The following MEIS1 variants were observed in gnomAD, a reference collection of about 807,000 sequenced individuals.
MEIS1 encodes the protein homeobox protein Meis1.
MEIS1 carries 5 observed loss-of-function variants against 50.8 expected under a neutral mutation model. The observed-to-expected ratio is 0.10, with a 90% CI of 0.05 to 0.21. MEIS1 has a LOEUF of 0.21. Among genes scored for constraint, MEIS1 ranks in the 10% least tolerant of loss-of-function variants. The pLI is 1.00. For synonymous variants in MEIS1, 176 were observed against 179.3 expected (o/e 0.98, Z 0.15); for missense variants, 318 against 517.3 (o/e 0.61, Z 3.74).
intron 6 of MEIS1, among the ~76,000 whole-genome samples, chr2:66,457,554 T>A (rs1005660738): frequency 6.6e-6 from 1 of 152,178 alleles, no homozygotes; most frequent in Non-Finnish European, 1.5e-5. Context: ...TCTGATCCCT[T>A]TCCTCAGATG....
At chr2:66,517,414 AT>A (rs139918864) in intron 8 of MEIS1, among the ~76,000 whole-genome samples, 2,206 of 151,734 alleles carry the variant, frequency 0.015, 60 homozygotes, top group African/African-American at 0.051. Flanking sequence ...GTGCGAGAAG[AT>A]TTTTTTTTCC....
intron 9 of MEIS1, among the ~76,000 whole-genome samples, chr2:66,556,770 A>T (rs926951433): frequency 2.6e-5 from 4 of 151,958 alleles, no homozygotes; most frequent in Non-Finnish European, 5.9e-5. Flanking sequence ...GGGTAGGGGG[A>T]TGTTTTAAAA....
chr2:66,460,519 C>T (rs1222630021), intron 6 of MEIS1, among the ~76,000 whole-genome samples: 1 of 152,086 alleles, frequency 6.6e-6, no homozygotes, highest in Admixed American at 6.6e-5. Context: ...TCTTGGGGCC[C>T]TAGAACTAGA....
intron 8 of MEIS1, among the ~76,000 whole-genome samples, chr2:66,543,420 A>G (rs190739364): frequency 6.0e-4 from 91 of 152,284 alleles, no homozygotes; most frequent in African/African-American, 2.1e-3. Context: ...AATAAGGATG[A>G]TCATTTCATG....
At position 66,441,854 on chromosome 2, in the gene MEIS1, C is replaced by T. The variant is rs1029164022; in HGVS notation, c.483+390C>T. On this transcript the variant is annotated intron_variant, in intron 5 of 12. Coordinates refer to ENST00000272369, the MANE Select transcript of MEIS1 (RefSeq NM_002398.3). Reference sequence around the variant, plus strand: ...CTCTGAGGGAGAAAAAAGTTTTATTCAGTTGTAGTGAGTTTCTGGAAGACA... The same window carrying T: ...CTCTGAGGGAGAAAAAAGTTTTATTTAGTTGTAGTGAGTTTCTGGAAGACA... 4.6e-5 allele frequency: 9 copies of T among 195,518 alleles called. No homozygotes were observed. The South Asian group carries it at 4.9e-4, about 11-fold the overall frequency. The allele number at this position is 195,518 out of a possible 1,614,324, so 12.1% of individuals were successfully genotyped here.
chr2:66,567,609 T>C (rs1675381851), intron 10 of MEIS1, 98 bp downstream of exon 10: 1 of 1,091,990 alleles, frequency 9.2e-7, no homozygotes, highest in Admixed American at 1.9e-5. Context: ...AAACTGGGAG[T>C]GAGTATAGGA....
At chr2:66,496,751 A>G (rs890268775) in intron 7 of MEIS1, among the ~76,000 whole-genome samples, 7 of 151,814 alleles carry the variant, frequency 4.6e-5, no homozygotes, top group Non-Finnish European at 1.5e-5. Flanking sequence ...CAACCCTTAC[A>G]TGAGGTTTTT....
At chr2:66,561,475 G>A (rs1031623552) in intron 9 of MEIS1, among the ~76,000 whole-genome samples, 1 of 152,092 alleles carries the variant, frequency 6.6e-6, no homozygotes, top group Non-Finnish European at 1.5e-5. Context: ...ATTATCATCT[G>A]TGCATGTTTA....
At chr2:66,533,929 A>G (rs954531074) in intron 8 of MEIS1, among the ~76,000 whole-genome samples, 5 of 152,250 alleles carry the variant, frequency 3.3e-5, no homozygotes, top group Admixed American at 1.3e-4. Flanking sequence ...AGAATTATCT[A>G]GTCATATCTT....
intron 7 of MEIS1, among the ~76,000 whole-genome samples, chr2:66,496,915 T>C (rs973514004): frequency 1.1e-4 from 16 of 152,214 alleles, no homozygotes; most frequent in African/African-American, 3.4e-4. Context: ...TGTAAATACT[T>C]GGTATTTGTT....
chr2:66,440,730 G>C, intron 4 of MEIS1, 118 bp downstream of exon 4: 1 of 672,180 alleles, frequency 1.5e-6, no homozygotes, highest in South Asian at 1.9e-5. Context: ...CGTGCCTGCA[G>C]GTTGGCTGCA....
chr2:66,450,200 T>A (rs1672245831), intron 6 of MEIS1, among the ~76,000 whole-genome samples: 1 of 152,188 alleles, frequency 6.6e-6, no homozygotes, highest in Admixed American at 6.5e-5. Flanking sequence ...TATTTGTAAT[T>A]CTCAAAAATA....
chr2:66,499,690 A>C (rs1033961669), intron 7 of MEIS1, among the ~76,000 whole-genome samples: 9 of 124,714 alleles, frequency 7.2e-5, no homozygotes, highest in Admixed American at 3.4e-4. Context: ...GTGAGGGTAC[A>C]TAGGTTAAAA....
At chr2:66,568,513 T>TTG in intron 10 of MEIS1, 154 bp from the exon 11 acceptor site, 4 of 463,362 alleles carry the variant, frequency 8.6e-6, no homozygotes, top group East Asian at 3.6e-5. Flanking sequence ...GTAGATCTAG[T>TTG]CTGAGAGAAA....
intron 8 of MEIS1, among the ~76,000 whole-genome samples, chr2:66,517,287 T>C (rs1383710975): frequency 6.6e-6 from 1 of 152,196 alleles, no homozygotes; most frequent in African/African-American, 2.4e-5. Flanking sequence ...TTAATTGTCA[T>C]GTGCCTGAGA....
chr2:66,437,030 T>A, intron 1 of MEIS1: 1 of 865,786 alleles, frequency 1.2e-6, no homozygotes, highest in Non-Finnish European at 1.4e-6. Context: ...CTGCTTCAAC[T>A]ATAGATTTTC....
intron 8 of MEIS1, among the ~76,000 whole-genome samples, chr2:66,539,046 G>T (rs1674586406): frequency 6.6e-6 from 1 of 152,032 alleles, no homozygotes; most frequent in African/African-American, 2.4e-5. Context: ...TGCCACCACG[G>T]CTGGCTAATT....
chr2:66,457,952 C>A (rs1426659555), intron 6 of MEIS1, among the ~76,000 whole-genome samples: 2 of 152,166 alleles, frequency 1.3e-5, no homozygotes, highest in Non-Finnish European at 2.9e-5. Flanking sequence ...ACTAAAGAGA[C>A]CCTGGTGATT....
At chr2:66,447,000 T>G (rs1305056050) in intron 6 of MEIS1, among the ~76,000 whole-genome samples, 1 of 152,232 alleles carries the variant, frequency 6.6e-6, no homozygotes, top group Non-Finnish European at 1.5e-5. Flanking sequence ...AACGCCCTCC[T>G]CCGAAGAAGC....
Sources: gnomAD v4.1 joint callset for allele counts (sites outside exome capture counted in the v4.1 genomes callset) on GRCh38, gnomAD v4.1.1 for gene constraint, MANE v1.5 for transcripts, NCBI Gene and HGNC (gene_info 2026-07-23, HGNC 2026-07-21) for gene names.